Variants in JAM2 observed in about 807,000 individuals in gnomAD.
JAM2 encodes junctional adhesion molecule 2.
JAM2 carries 17 observed loss-of-function variants against 42.0 expected under a neutral mutation model. That is an observed-to-expected ratio of 0.40 (90% CI 0.28 to 0.61). The LOEUF is 0.61. JAM2 is among the 20% of genes least tolerant of loss of function. The pLI is 0.37. For synonymous variants in JAM2, 118 were observed against 128.6 expected (o/e 0.92, Z 0.56); for missense variants, 319 against 358.3 (o/e 0.89, Z 0.89).
intron 1 of JAM2, among the ~76,000 whole-genome samples, chr21:25,640,815 T>TCTC (rs1568882644): frequency 6.6e-6 from 1 of 151,416 alleles, no homozygotes; most frequent in African/African-American, 2.4e-5. Flanking sequence ...TCTTCTTTCT[T>TCTC]TCTCTCTCTC....
In JAM2 at chr21:25,671,302, C is replaced by CAA. The variant is rs11440333; in HGVS notation, c.68-12575_68-12574dup. On this transcript the variant is annotated intron_variant, in intron 1 of 9. Transcript: ENST00000480456. The stretch of plus-strand genomic sequence containing the variant: ...AGTTCCCTGTGTAAGAAAAATAATA[C>CAA]AAAAAAATGCTTATTCTTGCAAATT... Among the ~76,000 whole-genome samples, 163 of 151,762 alleles carry CAA rather than the reference C, an allele frequency of 1.1e-3. 1 individual carries two copies. Among genetic ancestry groups the CAA allele is most frequent in the Admixed American group, 3.0e-3 (46 of 15,246 alleles).
chr21:25,694,688 TA>T (rs2033957659), intron 4 of JAM2, among the ~76,000 whole-genome samples: 1 of 151,584 alleles, frequency 6.6e-6, no homozygotes, highest in African/African-American at 2.4e-5. Context: ...AAAAAATAAA[TA>T]AAAAGCCATT....
chr21:25,682,942 C>G (rs191486472), intron 1 of JAM2, among the ~76,000 whole-genome samples: 1 of 152,156 alleles, frequency 6.6e-6, no homozygotes, highest in Admixed American at 6.5e-5. Context: ...CCTGTTGTTC[C>G]GCCATTTGTC....
chr21:25,652,164 T>C (rs901361036), intron 1 of JAM2, among the ~76,000 whole-genome samples: 7 of 152,070 alleles, frequency 4.6e-5, no homozygotes, highest in Admixed American at 4.6e-4. Flanking sequence ...GGCAGGAAGA[T>C]TGCTTAAGAC....
chr21:25,655,510 T>C (rs2032910329), intron 1 of JAM2, among the ~76,000 whole-genome samples: 1 of 147,802 alleles, frequency 6.8e-6, no homozygotes, highest in African/African-American at 2.5e-5. Flanking sequence ...AGACGGAGTC[T>C]CACTCTGTCA....
intron 2 of JAM2, among the ~76,000 whole-genome samples, chr21:25,689,159 G>T (rs1000636281): frequency 2.0e-5 from 3 of 152,096 alleles, no homozygotes; most frequent in Non-Finnish European, 4.4e-5. Flanking sequence ...AGTTACACTT[G>T]ATGCTAAGAT....
chr21:25,688,243 G>GGTGTGTGTGTGTGT (rs147927864), intron 2 of JAM2, among the ~76,000 whole-genome samples: 6,093 of 149,760 alleles, frequency 0.041, 141 homozygotes, highest in South Asian at 0.07. Flanking sequence ...CACCAGGAGG[G>GGTGTGTGTGTGTGT]GTGTGTGTGT....
intron 3 of JAM2, among the ~76,000 whole-genome samples, chr21:25,693,451 G>T (rs1311656830): frequency 6.6e-6 from 1 of 152,030 alleles, no homozygotes; most frequent in Non-Finnish European, 1.5e-5. Flanking sequence ...TAGAGACAGG[G>T]TTTCACCATG....
Position 25,716,730 on chromosome 21 carries a change from C to T in JAM2, c.*2058C>T, listed in dbSNP as rs189365219. The T allele has an allele frequency of 5.9e-5, 9 of 152,240 alleles. No homozygotes were observed. Among genetic ancestry groups the T allele is most frequent in the African/African-American group, 2.2e-4 (9 of 41,528 alleles). 9.4% of individuals were successfully genotyped at this position (152,240 alleles called of 1,614,324 possible). A position where few individuals can be genotyped will look rare whatever the true frequency, so the allele number is the denominator to read the frequency against. On this transcript the variant is annotated 3_prime_UTR_variant, in exon 10 of 10. Coordinates refer to ENST00000480456, the MANE Select transcript of JAM2 (RefSeq NM_021219.4). ...ACAGCAGGCACAGACAAGATTTGGCCCACAGGCATAGATTCCCAACTCATG... is the reference window on the plus strand; with the variant it reads ...ACAGCAGGCACAGACAAGATTTGGCTCACAGGCATAGATTCCCAACTCATG...
intron 1 of JAM2, among the ~76,000 whole-genome samples, chr21:25,682,913 C>G (rs748550552): frequency 1.3e-4 from 20 of 151,970 alleles, no homozygotes; most frequent in Non-Finnish European, 5.9e-5. Flanking sequence ...GACGTCTCTC[C>G]TCATCTATCT....
intron 1 of JAM2, among the ~76,000 whole-genome samples, chr21:25,651,999 A>G (rs935795540): frequency 6.6e-6 from 1 of 152,258 alleles, no homozygotes; most frequent in Non-Finnish European, 1.5e-5. Flanking sequence ...AGCTTATTAC[A>G]TAGATTTCAT....
chr21:25,688,130 G>A (rs936982832), intron 2 of JAM2, among the ~76,000 whole-genome samples: 4 of 152,118 alleles, frequency 2.6e-5, no homozygotes, highest in Non-Finnish European at 2.9e-5. Flanking sequence ...GAGAGAGGCT[G>A]GAGTGAAGTC....
chr21:25,639,998 C>T (rs1279094142), intron 1 of JAM2, 110 bp downstream of exon 1: 10 of 699,328 alleles, frequency 1.4e-5, no homozygotes, highest in Non-Finnish European at 2.2e-5. Flanking sequence ...GGGCCGAGGT[C>T]GCCGCGGGGC....
At chr21:25,654,090 T>C (rs923718728) in intron 1 of JAM2, among the ~76,000 whole-genome samples, 2 of 152,260 alleles carry the variant, frequency 1.3e-5, no homozygotes, top group African/African-American at 4.8e-5. Flanking sequence ...ATCTTTATTC[T>C]GCTTTCTTTT....
chr21:25,688,786 C>A (rs533882051), intron 2 of JAM2, among the ~76,000 whole-genome samples: 2 of 152,186 alleles, frequency 1.3e-5, no homozygotes, highest in East Asian at 3.9e-4. Flanking sequence ...TTTTAACATT[C>A]ATTTGCTTAA....
chr21:25,699,677 C>G (rs993004254), intron 5 of JAM2, among the ~76,000 whole-genome samples: 2 of 134,628 alleles, frequency 1.5e-5, no homozygotes, highest in African/African-American at 2.8e-5. Flanking sequence ...GAGCAGAGAT[C>G]GCGCCACTGC....
chr21:25,662,429 C>T (rs1002062021), intron 1 of JAM2, among the ~76,000 whole-genome samples: 6 of 134 alleles, frequency 0.045, no homozygotes, highest in Admixed American at 0.12. Flanking sequence ...GGATTACAGG[C>T]GTGAGCACTG....
At position 25,691,984 on chromosome 21, in the gene JAM2, G is replaced by A. The variant is rs1289012680; in HGVS notation, c.242-1772G>A. ...AGATCACGCCACTGCACTCCAGCCTGGGCAACAGAGCAAGACTGTCTCAAA... is the reference window on the plus strand; with the variant it reads ...AGATCACGCCACTGCACTCCAGCCTAGGCAACAGAGCAAGACTGTCTCAAA... On this transcript the variant is annotated intron_variant, in intron 3 of 9. Coordinates refer to ENST00000480456, the MANE Select transcript of JAM2 (RefSeq NM_021219.4). Among the ~76,000 whole-genome samples the A allele has an allele frequency of 5.3e-5, 8 of 151,412 alleles. No individual in the cohort carries two copies. In the East Asian group the frequency reaches 1.6e-3, roughly 29 times the overall value.
chr21:25,701,640 T>A (rs2034167831), intron 5 of JAM2, among the ~76,000 whole-genome samples: 1 of 152,226 alleles, frequency 6.6e-6, no homozygotes, highest in Non-Finnish European at 1.5e-5. Flanking sequence ...CTAGAGTTGA[T>A]AGAATCGACA....
Sources: allele counts gnomAD v4.1 joint callset (sites outside exome capture counted in the v4.1 genomes callset), GRCh38; gene constraint gnomAD v4.1.1; transcripts MANE v1.5; gene names NCBI Gene and HGNC (gene_info 2026-07-23, HGNC 2026-07-21).